PGGHG: variants seen among roughly 807,000 people sequenced by gnomAD.
PGGHG encodes protein-glucosylgalactosylhydroxylysine glucosidase.
Under a neutral mutation model 74.5 loss-of-function variants are expected in PGGHG, and 67 were observed. The observed-to-expected ratio is 0.90, with a 90% CI of 0.74 to 1.10. PGGHG has a LOEUF of 1.10. Among genes scored for constraint, PGGHG ranks in the 50% least tolerant of loss-of-function variants. The probability of loss-of-function intolerance (pLI) is 0.00; values close to 1 mark genes in which losing one functional copy is unlikely to be tolerated. For missense variants in PGGHG, 1,034 were observed against 981.5 expected (o/e 1.05, Z -0.72); for synonymous variants, 496 against 419.9 (o/e 1.18, Z -2.21).
At chr11:291,150 G>T in intron 4 of PGGHG, 37 bp downstream of exon 4, 1 of 1,524,948 alleles carries the variant, frequency 6.6e-7, no homozygotes. Context: ...CACACAGCAG[G>T]CGACACATGG....
chr11:293,628 G>A lies in PGGHG; in HGVS notation c.1515G>A (p.Leu505=). Residue 505 remains leucine (L), a synonymous_variant, in exon 10 of 14, where the codon CTG becomes CTA. Coordinates refer to ENST00000409548, the MANE Select transcript of PGGHG (RefSeq NM_025092.5). The part of the protein sequence containing the change: ...EVVKQADVVL[L]GYPVPFSLSP... ...TGAAGCAGGCAGACGTCGTGCTCCT[G>A]GGATACCCAGTCCCCTTCTCCCTGA... 6.2e-7 allele frequency: 1 copy of A among 1,613,594 alleles called. No homozygotes were observed. Among genetic ancestry groups the A allele is most frequent in the Non-Finnish European group, 8.5e-7 (1 of 1,179,992 alleles).
At position 290,523 on chromosome 11, in the gene PGGHG, G is replaced by T. The variant is rs1304506488; in HGVS notation, c.393G>T (p.Thr131=). 7.7e-6 allele frequency: 12 copies of T among 1,550,436 alleles called. No homozygotes were observed. The highest frequency in any genetic ancestry group is 1.0e-5 in the Non-Finnish European group (12 of 1,147,010). ...TGGCCCCGGGGAGCGGGCCCATCAC[G>T]CTGCTCCTGCGGTCAGCCTTCTCCC... ...ARLAPGSGPI[T]LLLRSAFSPE... The change falls in exon 3 of 14, where the codon ACG becomes ACT. Residue 131 remains threonine, a synonymous_variant. Coordinates refer to ENST00000409548, the MANE Select transcript of PGGHG (RefSeq NM_025092.5).
In PGGHG at chr11:290,418, C is replaced by G. The variant is rs949669696; in HGVS notation, c.288C>G (p.Pro96=). ...TGSFLHTLEG[P]RFRASQCIYA... is the part of the protein sequence containing the mutation. Reference sequence around the variant, plus strand: ...CCTTTCTTCACACCCTGGAGGGCCCCCGCTTCCGGGCCTCCCAGTGCATCT... The same window carrying G: ...CCTTTCTTCACACCCTGGAGGGCCCGCGCTTCCGGGCCTCCCAGTGCATCT... Residue 96 remains proline, a synonymous_variant, in exon 3 of 14, where the codon CCC becomes CCG. Transcript: ENST00000409548. 6.5e-7 allele frequency: 1 copy of G among 1,547,448 alleles called. No homozygotes were observed. The highest frequency in any genetic ancestry group is 1.4e-5 in the African/African-American group (1 of 72,924).
At chr11:293,573 G>A in intron 9 of PGGHG, 21 bp from the exon 10 acceptor site, 1 of 1,613,344 alleles carries the variant, frequency 6.2e-7, no homozygotes, top group Non-Finnish European at 8.5e-7. Context: ...ACACCTTCCA[G>A]TCAGCGGCAC....
Position 294,665 on chromosome 11 carries a change from G to A in PGGHG, c.2130G>A (p.Arg710=), listed in dbSNP as rs763092402. The A allele has an allele frequency of 4.3e-6, 7 of 1,613,654 alleles. No individual in the cohort carries two copies. The highest frequency in any genetic ancestry group is 2.2e-5 in the South Asian group (2 of 91,060). Reference sequence around the variant, plus strand: ...CTGGGAGGACTTTTTCAGATGTTAGGGACCCGCTCCAGAGCCCCCTCTGGG... The same window carrying A: ...CTGGGAGGACTTTTTCAGATGTTAGAGACCCGCTCCAGAGCCCCCTCTGGG... ...EFPGRTFSDV[R]DPLQSPLWVT... is the part of the protein sequence containing the mutation. The change falls in exon 14 of 14, where the codon AGG becomes AGA. Residue 710 remains arginine, a synonymous_variant. Transcript: ENST00000409548.
In PGGHG at chr11:293,406, C is replaced by T. The variant is rs576806215; in HGVS notation, c.1384C>T (p.Pro462Ser). The T allele has an allele frequency of 6.2e-7, 1 of 1,612,694 alleles. No individual in the cohort carries two copies. Among genetic ancestry groups the T allele is most frequent in the South Asian group, 1.1e-5 (1 of 91,080 alleles). The change falls in exon 9 of 14, where the codon CCC becomes TCC. Residue 462 changes from proline to serine, a missense_variant. Physicochemically the swap from Pro to Ser is moderately conservative, Grantham distance 74. Coordinates refer to ENST00000409548, the MANE Select transcript of PGGHG (RefSeq NM_025092.5). ...AAALAQDLGL[P>S]IPSQWLAVAD... ...TGCCCTGGCCCAGGACCTGGGTCTTCCCATCCCCAGCCAGTGGCTGGCGGT... is the reference window on the plus strand; with the variant it reads ...TGCCCTGGCCCAGGACCTGGGTCTTTCCATCCCCAGCCAGTGGCTGGCGGT...
In PGGHG at chr11:292,688, G is replaced by C. The variant is rs774477538; in HGVS notation, c.1158+11G>C. 3 of 1,613,676 alleles carry C rather than the reference G, an allele frequency of 1.9e-6. No homozygotes were observed. Among genetic ancestry groups the C allele is most frequent in the Non-Finnish European group, 2.5e-6 (3 of 1,179,942 alleles). On this transcript the variant is annotated intron_variant, in intron 6 of 13. Coordinates refer to ENST00000409548, the MANE Select transcript of PGGHG (RefSeq NM_025092.5). ...TACCATACCACCCAGGTGAGGTGCT[G>C]CGTGCCCACCATTCCTGCAAGTGTG...
chr11:291,770 T>G (rs1375411115), intron 4 of PGGHG: 3 of 674,316 alleles, frequency 4.4e-6, no homozygotes, highest in Non-Finnish European at 6.9e-6. Context: ...AGGCGAAGTG[T>G]GGGGCTGAGC....
chr11:292,640 T>G lies in PGGHG; in HGVS notation c.1121T>G (p.Val374Gly), dbSNP rs1190604891. 4 of 1,613,612 alleles carry G rather than the reference T, an allele frequency of 2.5e-6. No individual in the cohort carries two copies. The highest frequency in any genetic ancestry group is 3.3e-5 in the Admixed American group (2 of 60,006). Residue 374 changes from valine to glycine, a missense_variant, in exon 6 of 14, where the codon GTG (valine) becomes GGG (glycine). Coordinates refer to ENST00000409548, the MANE Select transcript of PGGHG (RefSeq NM_025092.5). ...CAGGAGGTCCACGTCAACGGGGCCGTGGTGTTGGCCTTCGAGCTGTACTAC... is the reference window on the plus strand; with the variant it reads ...CAGGAGGTCCACGTCAACGGGGCCGGGGTGTTGGCCTTCGAGCTGTACTAC... ...GVQEVHVNGA[V>G]VLAFELYYHT...
chr11:291,778 A>T (rs1328602823), intron 4 of PGGHG, 198 bp from the exon 5 acceptor site: 2 of 734,326 alleles, frequency 2.7e-6, no homozygotes, highest in Non-Finnish European at 2.1e-6. Context: ...TGTGGGGCTG[A>T]GCACCAGAAC....
rs1047907817 is a variant in PGGHG at position 294,155 on chromosome 11, G to A, written c.1767G>A (p.Gly589=). Residue 589 remains glycine, a synonymous_variant, in exon 12 of 14, where the codon GGG becomes GGA. Coordinates refer to ENST00000409548, the MANE Select transcript of PGGHG (RefSeq NM_025092.5). Reference sequence around the variant, plus strand: ...CTGTGAACTTCCTGACAGGCATGGGGGGCTTCCTGCAGGCGGTGGTCTTCG... The same window carrying A: ...CTGTGAACTTCCTGACAGGCATGGGAGGCTTCCTGCAGGCGGTGGTCTTCG... ...SGAVNFLTGM[G]GFLQAVVFGC... The A allele has an allele frequency of 3.1e-6, 5 of 1,612,796 alleles. No homozygotes were observed. Among genetic ancestry groups the A allele is most frequent in the Non-Finnish European group, 4.2e-6 (5 of 1,179,498 alleles).
At position 290,663 on chromosome 11, in the gene PGGHG, G is replaced by A; in HGVS notation, c.471-15G>A. The A allele has an allele frequency of 6.2e-7, 1 of 1,609,718 alleles. No individual in the cohort carries two copies. Among genetic ancestry groups the A allele is most frequent in the Non-Finnish European group, 8.5e-7 (1 of 1,177,826 alleles). ...GGAGGGAGCTCATCCCTGAGGCATG[G>A]CCACGCTCTCACAGGTACCTGTATG... On this transcript the variant is annotated splice_polypyrimidine_tract_variant and intron_variant, in intron 3 of 13. Transcript: ENST00000409548.
chr11:289,827 C>G lies in PGGHG; in HGVS notation c.11C>G (p.Ala4Gly), dbSNP rs765940810. The G allele has an allele frequency of 1.4e-5, 22 of 1,549,992 alleles. No individual in the cohort carries two copies. Among genetic ancestry groups the G allele is most frequent in the Non-Finnish European group, 1.9e-5 (22 of 1,146,570 alleles). The change falls in exon 2 of 14, where the codon GCC becomes GGC. Residue 4 changes from alanine (A) to glycine (G), a missense_variant. Ala to Gly is a moderately conservative substitution (Grantham distance 60). Coordinates refer to ENST00000409548, the MANE Select transcript of PGGHG (RefSeq NM_025092.5). The surrounding 1 kb of genome is among the most constrained non-coding windows in gnomAD (Gnocchi z 5.6). MED[A>G]GEDPTTFAAH... ...AGGCCCAGCAGCTCCATGGAGGACG[C>G]CGGCGAGGACCCCACCACGTTTGCT...
At chr11:292,719 G>T (rs1479719215) in intron 6 of PGGHG, 42 bp downstream of exon 6, 3 of 1,612,678 alleles carry the variant, frequency 1.9e-6, no homozygotes, top group Non-Finnish European at 2.5e-6. Context: ...GTGTGGCCAG[G>T]CAGCTGGTGT....
Position 294,868 on chromosome 11 carries a change from A to G in PGGHG, c.*119A>G, listed in dbSNP as rs1053872427. 1.6e-6 allele frequency: 2 copies of G among 1,239,100 alleles called. No individual in the cohort carries two copies. The highest frequency in any genetic ancestry group is 2.2e-6 in the Non-Finnish European group (2 of 900,740). The allele number at this position is 1,239,100 out of a possible 1,614,324, so 76.8% of individuals were successfully genotyped here. On this transcript the variant is annotated 3_prime_UTR_variant, in exon 14 of 14. Transcript: ENST00000409548. ...TCACCTGCAGCCAGGCTCTCAGGGAAGGTCCATGCTGCTTGGCCTGAGTTC... is the reference window on the plus strand; with the variant it reads ...TCACCTGCAGCCAGGCTCTCAGGGAGGGTCCATGCTGCTTGGCCTGAGTTC...
In PGGHG at chr11:293,350, C is replaced by A. The variant is rs200617892; in HGVS notation, c.1344-16C>A. ...GTGTAGGGGTTGCAGCCTCCCCCAC[C>A]TACCTCCACCTCCAGCCTGCGCTTT... is the stretch of plus-strand genomic sequence containing the variant. On this transcript the variant is annotated splice_polypyrimidine_tract_variant and intron_variant, in intron 8 of 13. Coordinates refer to ENST00000409548, the MANE Select transcript of PGGHG (RefSeq NM_025092.5). 1.1e-5 allele frequency: 18 copies of A among 1,609,494 alleles called. No homozygotes were observed. Among genetic ancestry groups the A allele is most frequent in the Middle Eastern group, 1.7e-4 (1 of 6,046 alleles).
At chr11:292,285 C>T (rs1450961608) in intron 5 of PGGHG, among the ~76,000 whole-genome samples, 190 bp downstream of exon 5, 1 of 152,028 alleles carries the variant, frequency 6.6e-6, no homozygotes, top group Non-Finnish European at 1.5e-5. Context: ...GAGGTGGGAA[C>T]CGCAGCGGGC....
rs760033847 is a variant in PGGHG at position 289,804 on chromosome 11, G to T, written c.-13G>T. ...CCTGACACCCCATCAGGCCGCTCAGGCCCAGCAGCTCCATGGAGGACGCCG... is the reference window on the plus strand; with the variant it reads ...CCTGACACCCCATCAGGCCGCTCAGTCCCAGCAGCTCCATGGAGGACGCCG... On this transcript the variant is annotated splice_region_variant and 5_prime_UTR_variant, in exon 2 of 14. Coordinates refer to ENST00000409548, the MANE Select transcript of PGGHG (RefSeq NM_025092.5). The surrounding 1 kb of genome is among the most constrained non-coding windows in gnomAD (Gnocchi z 5.6). 6.5e-7 allele frequency: 1 copy of T among 1,546,978 alleles called. No homozygotes were observed. Among genetic ancestry groups the T allele is most frequent in the South Asian group, 1.2e-5 (1 of 83,618 alleles).
rs202214194 is a variant in PGGHG at position 294,308 on chromosome 11, C to T, written c.1850C>T (p.Ser617Leu). The T allele has an allele frequency of 2.1e-5, 34 of 1,612,114 alleles. No individual in the cohort carries two copies. The highest frequency in any genetic ancestry group is 2.6e-5 in the Non-Finnish European group (31 of 1,179,474). Residue 617 changes from serine to leucine, a missense_variant, in exon 13 of 14, where the codon TCG (serine) becomes TTG (leucine). Physicochemically the swap from Ser to Leu is moderately radical, Grantham distance 145. Transcript: ENST00000409548. ...AGVTFDPVCLSGISRVSVSGI... is the reference protein window; with the variant it reads ...AGVTFDPVCLLGISRVSVSGI... ...GTGACCTTTGACCCTGTGTGTCTGT[C>T]GGGGATCTCCAGAGTGAGCGTCTCC...
Sources: gnomAD v4.1 joint callset for allele counts (sites outside exome capture counted in the v4.1 genomes callset) on GRCh38, gnomAD v4.1.1 for gene constraint, Gnocchi (gnomAD v3.1) non-coding constraint, MANE v1.5 for transcripts, NCBI Gene and HGNC (gene_info 2026-07-23, HGNC 2026-07-21) for gene names.